Variants in MYO15A observed in about 807,000 individuals in gnomAD.
The protein encoded by MYO15A is myosin XVA.
Under a neutral mutation model 394.6 loss-of-function variants are expected in MYO15A, and 308 were observed. The ratio of observed to expected loss-of-function variants is 0.78; its 90% CI spans 0.71 to 0.86. MYO15A has a LOEUF of 0.86. Ranked by LOEUF, MYO15A falls within the 40% of genes least tolerant of loss-of-function variation. The pLI, the probability that MYO15A is intolerant of heterozygous loss-of-function variation, is 0.00. For synonymous variants in MYO15A, 1,957 were observed against 2,003.8 expected (o/e 0.98, Z 0.62); for missense variants, 4,606 against 4,799.1 (o/e 0.96, Z 1.19).
At position 18,136,659 on chromosome 17, in the gene MYO15A, C is replaced by T. The variant is rs746515965; in HGVS notation, c.4752C>T (p.Ile1584=). ...LVSPRQDTLS[I]AILDIYGFED... The stretch of plus-strand genomic sequence containing the variant: ...CCCCAAGGCAGGACACACTGTCCAT[C>T]GCCATCCTGGACATCTATGGTTTCG... Residue 1584 remains isoleucine, a synonymous_variant, in exon 15 of 66, where the codon ATC becomes ATT. Coordinates refer to ENST00000647165, the MANE Select transcript of MYO15A (RefSeq NM_016239.4). The T allele has an allele frequency of 2.2e-5, 36 of 1,611,456 alleles. 1 individual carries two copies. In the South Asian group the frequency reaches 2.5e-4, roughly 11 times the overall value.
At chr17:18,177,964 C>T (rs1172832035) in intron 65 of MYO15A, 1 of 152,530 alleles carries the variant, frequency 6.6e-6, no homozygotes, top group African/African-American at 2.4e-5. Flanking sequence ...ATTGGGAGCA[C>T]TAAGCCTGGG....
At position 18,120,001 on chromosome 17, in the gene MYO15A, T is replaced by G; in HGVS notation, c.1201T>G (p.Tyr401Asp). 1 of 1,613,698 alleles carries G rather than the reference T, an allele frequency of 6.2e-7. No individual in the cohort carries two copies. Among genetic ancestry groups the G allele is most frequent in the South Asian group, 1.1e-5 (1 of 91,088 alleles). ...CTACCCCCCCGAGGTGCCCTATTTT[T>G]ACCCGGAGGAGTCGGCTTCGGCCTT... ...AIYPPEVPYF[Y>D]PEESASAFVY... The change falls in exon 2 of 66, where the codon TAC becomes GAC. Residue 401 changes from tyrosine (Y) to aspartate (D), a missense_variant. Tyr to Asp is a radical substitution (Grantham distance 160, BLOSUM62 -3). Coordinates refer to ENST00000647165, the MANE Select transcript of MYO15A (RefSeq NM_016239.4).
At position 18,142,181 on chromosome 17, in the gene MYO15A, A is replaced by T; in HGVS notation, c.5752A>T (p.Ile1918Phe). ...TLQRCLRGFF[I>F]KRRFRSLRHK... Reference sequence around the variant, plus strand: ...GCAGCGCTGCCTCCGTGGCTTCTTCATTAAGCGGCGATTCCGCTCTCTGCG... The same window carrying T: ...GCAGCGCTGCCTCCGTGGCTTCTTCTTTAAGCGGCGATTCCGCTCTCTGCG... The change falls in exon 24 of 66, where the codon ATT (isoleucine) becomes TTT (phenylalanine). Residue 1918 changes from isoleucine (I) to phenylalanine (F), a missense_variant. Coordinates refer to ENST00000647165, the MANE Select transcript of MYO15A (RefSeq NM_016239.4). 6.2e-7 allele frequency: 1 copy of T among 1,613,808 alleles called. No homozygotes were observed. Among genetic ancestry groups the T allele is most frequent in the Non-Finnish European group, 8.5e-7 (1 of 1,180,018 alleles).
At chr17:18,137,317 T>A (rs1241316775) in intron 15 of MYO15A, among the ~76,000 whole-genome samples, 1 of 152,218 alleles carries the variant, frequency 6.6e-6, no homozygotes, top group Non-Finnish European at 1.5e-5. Context: ...ATGGGGCTGT[T>A]ATTCAAGGTT....
In MYO15A at chr17:18,161,383, C is replaced by T. The variant is rs1408936428; in HGVS notation, c.9453C>T (p.Val3151=). The T allele has an allele frequency of 6.2e-7, 1 of 1,614,074 alleles. No homozygotes were observed. Among genetic ancestry groups the T allele is most frequent in the Non-Finnish European group, 8.5e-7 (1 of 1,180,020 alleles). The change falls in exon 57 of 66, where the codon GTC becomes GTT. Residue 3151 remains valine (V), a synonymous_variant. Transcript: ENST00000647165. ...CCGCCTACCACAGCTGCTCTGAGGT[C>T]CTCCACCCACACCTCACTCGCTTCC... ...IVTAYHSCSE[V]LHPHLTRFLQ...
Position 18,138,936 on chromosome 17 carries a change from G to C in MYO15A, c.5133G>C (p.Gln1711His). 1 of 1,611,808 alleles carries C rather than the reference G, an allele frequency of 6.2e-7. No homozygotes were observed. The highest frequency in any genetic ancestry group is 1.3e-5 in the African/African-American group (1 of 75,018). The change falls in exon 18 of 66, where the codon CAG becomes CAC. Residue 1711 changes from glutamine (Q) to histidine (H), a missense_variant and splice_region_variant. Gln to His is a conservative substitution (Grantham distance 24). This residue lies in a region of MYO15A where 2,776 missense variants were observed against 3,109.3 expected (regional missense o/e 0.89). Transcript: ENST00000647165. ...IKHYAGKVTY[Q>H]VHKFLDKNHD... Reference sequence around the variant, plus strand: ...ACTATGCAGGCAAGGTCACCTACCAGGTGAGCCCTAAGACAGTCGGCCTGG... The same window carrying C: ...ACTATGCAGGCAAGGTCACCTACCACGTGAGCCCTAAGACAGTCGGCCTGG...
At chr17:18,176,174 T>C (rs1240437933) in intron 65 of MYO15A, among the ~76,000 whole-genome samples, 2 of 152,330 alleles carry the variant, frequency 1.3e-5, no homozygotes, top group East Asian at 3.9e-4. Flanking sequence ...TGTTTTACGT[T>C]GCTATAAAGG....
rs1272804146 is a variant in MYO15A at position 18,150,895 on chromosome 17, G to C, written c.7455G>C (p.Leu2485=). The stretch of plus-strand genomic sequence containing the variant: ...AGCAGCAGCCCCTGAGTGCTGCCCT[G>C]AGATCCTTGCCCGCAGAGGTGAGCC... ...ALQQQPLSAA[L]RSLPAEKPPA... Residue 2485 remains leucine, a synonymous_variant, in exon 38 of 66, where the codon CTG becomes CTC. Transcript: ENST00000647165. The surrounding 1 kb of genome is among the most constrained non-coding windows in gnomAD (Gnocchi z 4.4). 1.2e-6 allele frequency: 2 copies of C among 1,600,468 alleles called. No individual in the cohort carries two copies. Among genetic ancestry groups the C allele is most frequent in the Non-Finnish European group, 1.7e-6 (2 of 1,173,918 alleles).
intron 12 of MYO15A, among the ~76,000 whole-genome samples, chr17:18,134,457 A>G (rs2046228215): frequency 6.6e-6 from 1 of 152,226 alleles, no homozygotes; most frequent in Non-Finnish European, 1.5e-5. Context: ...AAGACCTTTT[A>G]TGGATTTTGT....
chr17:18,177,855 C>G (rs2047035715), intron 65 of MYO15A: 1 of 152,268 alleles, frequency 6.6e-6, no homozygotes, highest in South Asian at 2.1e-4. Context: ...TTTCTCAGAG[C>G]AGCTTCCCTG....
chr17:18,168,375 C>A (rs2046886754), intron 62 of MYO15A, among the ~76,000 whole-genome samples: 1 of 151,922 alleles, frequency 6.6e-6, no homozygotes, highest in South Asian at 2.1e-4. Flanking sequence ...ACCATCCTGG[C>A]TAACATGGTG....
rs1290807745 is a variant in MYO15A, at chr17:18,132,955, G to C, written c.4321-270G>C. ...AGCTTAGCACAGGGCCTGGCATGCA[G>C]TACATGCTCAGTAAACACTTGCTAC... is the stretch of plus-strand genomic sequence containing the variant. On this transcript the variant is annotated intron_variant, in intron 11 of 65. Transcript: ENST00000647165. This position sits in a 1 kb window ranked among gnomAD's most constrained non-coding sequence, Gnocchi z 4.6. 6.6e-6 allele frequency among the ~76,000 whole-genome samples: 1 copy of C among 152,230 alleles called. No homozygotes were observed. Among genetic ancestry groups the C allele is most frequent in the Admixed American group, 6.5e-5 (1 of 15,286 alleles).
Position 18,119,003 on chromosome 17 carries a change from A to C in MYO15A, c.203A>C (p.Gln68Pro). The C allele has an allele frequency of 6.2e-7, 1 of 1,612,826 alleles. No homozygotes were observed. Among genetic ancestry groups the C allele is most frequent in the Non-Finnish European group, 8.5e-7 (1 of 1,179,910 alleles). The change falls in exon 2 of 66, where the codon CAG becomes CCG. Residue 68 changes from glutamine (Q) to proline (P), a missense_variant. Coordinates refer to ENST00000647165, the MANE Select transcript of MYO15A (RefSeq NM_016239.4). ...AFFWGLHTGP[Q>P]KTKRKRKART... ...TTCTGGGGCCTCCACACCGGCCCCC[A>C]GAAGACCAAGCGCAAGAGGAAGGCC...
At position 18,179,738 on chromosome 17, in the gene MYO15A, C is replaced by CA. The variant is rs1567670906; in HGVS notation, c.*869dup. 6.6e-6 allele frequency: 1 copy of CA among 152,124 alleles called. No individual in the cohort carries two copies. The highest frequency in any genetic ancestry group is 2.4e-5 in the African/African-American group (1 of 41,428). The allele number at this position is 152,124 out of a possible 1,614,324, so 9.4% of individuals were successfully genotyped here. A position where few individuals can be genotyped will look rare whatever the true frequency, so the allele number is the denominator to read the frequency against. On this transcript the variant is annotated 3_prime_UTR_variant, in exon 66 of 66. Coordinates refer to ENST00000647165, the MANE Select transcript of MYO15A (RefSeq NM_016239.4). ...TTCCAGAACCTAGGAGGATGCCTAA[C>CA]AGAGAGTAAGCACTTAAAAAATATT...
chr17:18,130,667 C>T lies in MYO15A; in HGVS notation c.4033-138C>T, dbSNP rs923021263. 9 of 1,468,230 alleles carry T rather than the reference C, an allele frequency of 6.1e-6. No homozygotes were observed. In the Admixed American group the frequency reaches 1.1e-4, roughly 17 times the overall value. 91.0% of individuals were successfully genotyped at this position (1,468,230 alleles called of 1,614,324 possible). A position where few individuals can be genotyped will look rare whatever the true frequency, so the allele number is the denominator to read the frequency against. On this transcript the variant is annotated intron_variant, in intron 7 of 65. Coordinates refer to ENST00000647165, the MANE Select transcript of MYO15A (RefSeq NM_016239.4). ...CCCCAAGCCTGGACCCCTGGGGTCT[C>T]TGAGCCTCACAGGTTTTTACTAGTC...
chr17:18,136,321 T>C, intron 13 of MYO15A, 96 bp from the exon 14 acceptor site: 2 of 1,457,498 alleles, frequency 1.4e-6, no homozygotes, highest in Non-Finnish European at 9.6e-7. Context: ...CCCTCCAGCC[T>C]CCCTTCTCCA....
rs748832780 is a variant in MYO15A, at chr17:18,136,399, G to A, written c.4597-18G>A. On this transcript the variant is annotated intron_variant, in intron 13 of 65. Transcript: ENST00000647165. Reference sequence around the variant, plus strand: ...AGTGGCCAGCCTGATGTCACTCAAGGGCTGTGCCCGTCCCTAGGAGACAAT... The same window carrying A: ...AGTGGCCAGCCTGATGTCACTCAAGAGCTGTGCCCGTCCCTAGGAGACAAT... The A allele has an allele frequency of 6.2e-7, 1 of 1,613,388 alleles. No homozygotes were observed. Among genetic ancestry groups the A allele is most frequent in the East Asian group, 2.2e-5 (1 of 44,896 alleles).
rs761409791 is a variant in MYO15A, at chr17:18,145,977, A to G, written c.6379A>G (p.Ile2127Val). 6.2e-7 allele frequency: 1 copy of G among 1,613,798 alleles called. No homozygotes were observed. Among genetic ancestry groups the G allele is most frequent in the Non-Finnish European group, 8.5e-7 (1 of 1,180,016 alleles). ...GGCGGTGCCTGAGCTGCGGGATGAG[A>G]TCCTGGCACAGCTGGCCAATCAGGT... ...GLAVPELRDE[I>V]LAQLANQVWH... The change falls in exon 30 of 66, where the codon ATC (isoleucine) becomes GTC (valine). Residue 2127 changes from isoleucine to valine, a missense_variant. By Grantham distance (29) the Ile-to-Val change is conservative. Transcript: ENST00000647165.
At chr17:18,126,729 C>A (rs2046050307) in intron 5 of MYO15A, 62 bp from the exon 6 acceptor site, 1 of 1,564,416 alleles carries the variant, frequency 6.4e-7, no homozygotes. Context: ...GCTCCCTGCC[C>A]AATCCCTGGG....
Sources: allele counts gnomAD v4.1 joint callset (sites outside exome capture counted in the v4.1 genomes callset), GRCh38; gene constraint gnomAD v4.1.1; regional missense constraint gnomAD v4.1.1; non-coding constraint Gnocchi (gnomAD v3.1); transcripts MANE v1.5; gene names NCBI Gene and HGNC (gene_info 2026-07-23, HGNC 2026-07-21).